Variants in TMEM178A observed in about 807,000 individuals in gnomAD.
TMEM178A encodes the protein transmembrane protein 178A.
A neutral mutation model predicts 29.1 loss-of-function variants in TMEM178A; 12 were observed. The ratio of observed to expected loss-of-function variants is 0.41; its 90% CI spans 0.26 to 0.67. The LOEUF (loss-of-function observed/expected upper bound fraction) is 0.67, where lower values mean the gene tolerates loss of function less well. Among genes scored for constraint, TMEM178A ranks in the 30% least tolerant of loss-of-function variants. The pLI is 0.29. For synonymous variants in TMEM178A, 210 were observed against 187.2 expected (o/e 1.12, Z -0.99); for missense variants, 366 against 419.1 (o/e 0.87, Z 1.11).
the TMEM178A span, among the ~76,000 whole-genome samples, chr2:39,735,537 C>G: frequency 6.6e-6 from 1 of 152,184 alleles, no homozygotes; most frequent in African/African-American, 2.4e-5. Flanking sequence ...ATAACACTAG[C>G]TGTATTCTCA....
intron 1 of TMEM178A, among the ~76,000 whole-genome samples, chr2:39,692,073 A>C (rs1024118784): frequency 6.6e-6 from 1 of 152,186 alleles, no homozygotes. Context: ...AAAGACAAAT[A>C]CTGCATGATC....
chr2:39,669,645 C>T (rs1317540753), intron 1 of TMEM178A, among the ~76,000 whole-genome samples: 9 of 152,294 alleles, frequency 5.9e-5, no homozygotes, highest in South Asian at 2.1e-4. Context: ...GTTATTGATA[C>T]GCTCATTAAG....
At chr2:39,714,382 T>C (rs1672443220) in intron 3 of TMEM178A, among the ~76,000 whole-genome samples, 1 of 151,778 alleles carries the variant, frequency 6.6e-6, no homozygotes, top group Non-Finnish European at 1.5e-5. Context: ...GGCATAGAGA[T>C]AACACTTAAA....
chr2:39,675,715 T>A (rs1363460126), intron 1 of TMEM178A, among the ~76,000 whole-genome samples: 2 of 152,210 alleles, frequency 1.3e-5, no homozygotes, highest in East Asian at 1.9e-4. Context: ...GCCAGACATT[T>A]TTTTTTTCCT....
At chr2:39,735,871 G>C in the TMEM178A span, among the ~76,000 whole-genome samples, 2 of 152,192 alleles carry the variant, frequency 1.3e-5, no homozygotes, top group African/African-American at 4.8e-5. Context: ...CACATGGGTG[G>C]ACCTGATACC....
intron 3 of TMEM178A, among the ~76,000 whole-genome samples, chr2:39,710,085 G>A (rs976161994): frequency 6.6e-6 from 1 of 152,156 alleles, no homozygotes; most frequent in Non-Finnish European, 1.5e-5. Context: ...GGATCCATGT[G>A]TGGATTGTAC....
chr2:39,682,149 C>T (rs1463983139), intron 1 of TMEM178A, among the ~76,000 whole-genome samples: 1 of 152,174 alleles, frequency 6.6e-6, no homozygotes, highest in African/African-American at 2.4e-5. Context: ...TTCCAAATAG[C>T]TAAAACCTAC....
At chr2:39,727,516 T>C in the TMEM178A span, among the ~76,000 whole-genome samples, 1 of 152,234 alleles carries the variant, frequency 6.6e-6, no homozygotes, top group African/African-American at 2.4e-5. Context: ...AATATCTAAG[T>C]GAGCATTTCT....
intron 1 of TMEM178A, among the ~76,000 whole-genome samples, chr2:39,669,600 G>A (rs769309264): frequency 1.9e-4 from 29 of 152,186 alleles, no homozygotes; most frequent in Non-Finnish European, 3.7e-4. Flanking sequence ...TAGGCTTGAC[G>A]TTTAGCCAGA....
the TMEM178A span, among the ~76,000 whole-genome samples, chr2:39,729,867 TA>T: frequency 6.6e-6 from 1 of 152,198 alleles, no homozygotes; most frequent in Non-Finnish European, 1.5e-5. Context: ...AGAGGGGCCC[TA>T]CAGGATCAGA....
the TMEM178A span, among the ~76,000 whole-genome samples, chr2:39,733,176 T>C: frequency 6.6e-6 from 1 of 152,220 alleles, no homozygotes; most frequent in East Asian, 1.9e-4. Flanking sequence ...TTCCACAGTC[T>C]ACCACCACCA....
intron 1 of TMEM178A, among the ~76,000 whole-genome samples, chr2:39,692,653 AT>A (rs1392675872): frequency 6.6e-6 from 1 of 152,134 alleles, no homozygotes; most frequent in Non-Finnish European, 1.5e-5. Flanking sequence ...GAGGGAGTAG[AT>A]GGACATTAAC....
At chr2:39,679,753 C>A (rs1381807544) in intron 1 of TMEM178A, among the ~76,000 whole-genome samples, 1 of 152,062 alleles carries the variant, frequency 6.6e-6, no homozygotes, top group Non-Finnish European at 1.5e-5. Context: ...ATTAAATATT[C>A]TTTTTCCAGT....
At chr2:39,667,012 C>T (rs1239182019) in intron 1 of TMEM178A, among the ~76,000 whole-genome samples, 2 of 152,220 alleles carry the variant, frequency 1.3e-5, no homozygotes, top group Non-Finnish European at 2.9e-5. Flanking sequence ...GATTAGACTT[C>T]AGAGACCAAT....
intron 1 of TMEM178A, among the ~76,000 whole-genome samples, chr2:39,677,015 A>G (rs1670658020): frequency 6.6e-6 from 1 of 152,146 alleles, no homozygotes; most frequent in Non-Finnish European, 1.5e-5. Flanking sequence ...ATTGAAGGTA[A>G]ATGTTCAAAA....
chr2:39,734,402 T>G, the TMEM178A span, among the ~76,000 whole-genome samples: 1 of 152,224 alleles, frequency 6.6e-6, no homozygotes, highest in Non-Finnish European at 1.5e-5. Flanking sequence ...AGTTTCCTCT[T>G]CTCCTGCCAA....
chr2:39,704,054 T>G (rs1408068204), intron 1 of TMEM178A, 27 bp from the exon 2 acceptor site: 2 of 1,603,796 alleles, frequency 1.2e-6, no homozygotes, highest in African/African-American at 2.7e-5. Flanking sequence ...AGCAGACTCG[T>G]AAATCGCGTT....
intron 1 of TMEM178A, among the ~76,000 whole-genome samples, chr2:39,677,608 C>T (rs1670683636): frequency 6.6e-6 from 1 of 151,816 alleles, no homozygotes. Flanking sequence ...AGCTGGAAGA[C>T]CTGGGGAGGA....
intron 3 of TMEM178A, among the ~76,000 whole-genome samples, chr2:39,708,409 ATTTTTTTTTTTTT>A (rs956611778): frequency 4.3e-5 from 3 of 69,678 alleles, no homozygotes; most frequent in East Asian, 5.5e-4. Flanking sequence ...GAGTGACTTG[ATTTTTTTTTTTTT>A]TTTTTTTTTT....
Sources: allele counts gnomAD v4.1 joint callset (sites outside exome capture counted in the v4.1 genomes callset), GRCh38; gene constraint gnomAD v4.1.1; transcripts MANE v1.5; gene names NCBI Gene and HGNC (gene_info 2026-07-23, HGNC 2026-07-21).